STYXL1: variants seen among roughly 807,000 people sequenced by gnomAD.
STYXL1 encodes serine/threonine/tyrosine-interacting-like protein 1.
Under a neutral mutation model 36.4 loss-of-function variants are expected in STYXL1, and 32 were observed. That is an observed-to-expected ratio of 0.88 (90% CI 0.66 to 1.18). The LOEUF is 1.18. STYXL1 is among the 50% of genes most tolerant of loss of function. The pLI is 0.00. For missense variants in STYXL1, 354 were observed against 394.1 expected, an observed-to-expected ratio of 0.90 and a Z score of 0.86; for synonymous variants, 133 against 144.1, an observed-to-expected ratio of 0.92 and a Z score of 0.55.
chr7:76,008,596 C>G (rs908144578), intron 5 of STYXL1, among the ~76,000 whole-genome samples: 1 of 152,168 alleles, frequency 6.6e-6, no homozygotes. Flanking sequence ...GATGCATGAC[C>G]CCCCACTGCC....
At chr7:76,009,517 T>C (rs1204375120) in intron 5 of STYXL1, among the ~76,000 whole-genome samples, 2 of 152,154 alleles carry the variant, frequency 1.3e-5, no homozygotes, top group African/African-American at 4.8e-5. Flanking sequence ...TTCAATTGAT[T>C]TTCCTGCCTC....
intron 1 of STYXL1, chr7:76,045,343 G>C (rs1796850969): frequency 6.7e-6 from 1 of 148,162 alleles, no homozygotes; most frequent in Admixed American, 6.9e-5. Context: ...TTTTTTCCTG[G>C]GAATTCTTAG....
intron 8 of STYXL1, 35 bp from the exon 9 acceptor site, chr7:75,996,634 T>C (rs1554564229): frequency 3.7e-6 from 6 of 1,609,192 alleles, no homozygotes; most frequent in Non-Finnish European, 5.1e-6. Flanking sequence ...AACTTCACGA[T>C]TGGTCCTGGG....
At chr7:76,041,963 T>C (rs1454067160) in intron 1 of STYXL1, among the ~76,000 whole-genome samples, 13 of 152,226 alleles carry the variant, frequency 8.5e-5, no homozygotes, top group African/African-American at 2.9e-4. Context: ...AACTGAACAC[T>C]TGAGACCTAT....
chr7:76,019,205 G>C (rs906286569), intron 4 of STYXL1, among the ~76,000 whole-genome samples: 1 of 151,786 alleles, frequency 6.6e-6, no homozygotes. Context: ...GGCCCAGAAA[G>C]AGAAATAGTG....
chr7:76,043,106 C>T (rs1327516166), intron 1 of STYXL1, among the ~76,000 whole-genome samples: 1 of 152,112 alleles, frequency 6.6e-6, no homozygotes, highest in African/African-American at 2.4e-5. Flanking sequence ...GGGGAGAAGG[C>T]CAACTAGTAG....
chr7:76,043,309 T>C (rs547197524), intron 1 of STYXL1, among the ~76,000 whole-genome samples: 1 of 151,956 alleles, frequency 6.6e-6, no homozygotes, highest in East Asian at 1.9e-4. Flanking sequence ...GCCCAACTAA[T>C]TTTTTGTATT....
At chr7:76,022,098 C>G in intron 3 of STYXL1, 106 bp from the exon 4 acceptor site, 2 of 1,514,140 alleles carry the variant, frequency 1.3e-6, no homozygotes, top group Non-Finnish European at 1.7e-6. Context: ...AGACCGCACT[C>G]TCTCCCCTGA....
rs1794134261 is a variant in STYXL1 at position 76,022,000 on chromosome 7, A to G, written c.166-8T>C. 1 of 1,598,826 alleles carries G rather than the reference A, an allele frequency of 6.3e-7. No individual in the cohort carries two copies. ...AAGATATTCATTATTTTTCTTAAAA[A>G]AAAAAACACACACACACAAGAGAGG... On this transcript the variant is annotated splice_polypyrimidine_tract_variant and splice_region_variant and intron_variant, in intron 3 of 8. Transcript: ENST00000359697.
intron 5 of STYXL1, among the ~76,000 whole-genome samples, chr7:76,008,759 A>G (rs1319646686): frequency 6.6e-6 from 1 of 152,104 alleles, no homozygotes; most frequent in African/African-American, 2.4e-5. Context: ...TAATCCCAGC[A>G]CTTTGGGAAG....
intron 1 of STYXL1, among the ~76,000 whole-genome samples, chr7:76,032,169 G>A (rs1202981321): frequency 1.3e-5 from 2 of 151,882 alleles, no homozygotes; most frequent in Non-Finnish European, 2.9e-5. Context: ...AGGTAGGGGG[G>A]ATTGCTTGAG....
chr7:76,038,504 C>A (rs1232882928), intron 1 of STYXL1, among the ~76,000 whole-genome samples: 1 of 149,974 alleles, frequency 6.7e-6, no homozygotes, highest in African/African-American at 2.5e-5. Flanking sequence ...CAGCTCACTG[C>A]GAGCTCTGCC....
rs138635149 is a variant in STYXL1 at position 76,038,748 on chromosome 7, C to T, written c.-4-8221G>A. 7.3e-4 allele frequency among the ~76,000 whole-genome samples: 103 copies of T among 141,018 alleles called. 3 individuals are homozygous for T. In the Middle Eastern group the frequency reaches 0.017, roughly 24 times the overall value. The allele number at this position is 141,018 out of a possible 152,430, so 92.5% of individuals were successfully genotyped here. A position where few individuals can be genotyped will look rare whatever the true frequency, so the allele number is the denominator to read the frequency against. On this transcript the variant is annotated intron_variant, in intron 1 of 8. Transcript: ENST00000359697. ...GACATTCTTGAGAATGGCCTCAAGGCGAGCTAACTAACTCTTGTCATATTT... is the reference window on the plus strand; with the variant it reads ...GACATTCTTGAGAATGGCCTCAAGGTGAGCTAACTAACTCTTGTCATATTT...
At chr7:76,003,626 T>C (rs1429225673) in intron 7 of STYXL1, 132 bp downstream of exon 7, 12 of 776,700 alleles carry the variant, frequency 1.5e-5, no homozygotes, top group Non-Finnish European at 2.3e-5. Flanking sequence ...ATGGAGCATA[T>C]GCCGAGCTGG....
intron 7 of STYXL1, among the ~76,000 whole-genome samples, chr7:76,002,879 G>A (rs1366785452): frequency 6.6e-6 from 1 of 152,062 alleles, no homozygotes; most frequent in African/African-American, 2.4e-5. Context: ...AGCCAAGATT[G>A]TGCCACTACA....
chr7:76,020,291 G>T (rs1793906569), intron 4 of STYXL1, among the ~76,000 whole-genome samples: 1 of 152,200 alleles, frequency 6.6e-6, no homozygotes, highest in Non-Finnish European at 1.5e-5. Context: ...ATGAAAGGTG[G>T]GAGCATAGCG....
intron 5 of STYXL1, among the ~76,000 whole-genome samples, chr7:76,009,031 A>C (rs1195555089): frequency 2.0e-5 from 3 of 151,554 alleles, no homozygotes; most frequent in Non-Finnish European, 4.4e-5. Flanking sequence ...AACAAAAAAA[A>C]CCCCACAAAA....
At chr7:76,029,119 A>G (rs1288587607) in intron 2 of STYXL1, among the ~76,000 whole-genome samples, 1 of 152,136 alleles carries the variant, frequency 6.6e-6, no homozygotes, top group Non-Finnish European at 1.5e-5. Context: ...ATTCTGTCTC[A>G]TAAATAAATA....
intron 8 of STYXL1, chr7:75,998,633 C>T (rs1227224135): frequency 1.3e-5 from 2 of 151,782 alleles, no homozygotes; most frequent in Admixed American, 1.3e-4. Context: ...CAAGACCATT[C>T]GATGGGGGAA....
Sources: allele counts gnomAD v4.1 joint callset (sites outside exome capture counted in the v4.1 genomes callset), GRCh38; gene constraint gnomAD v4.1.1; transcripts MANE v1.5; gene names NCBI Gene and HGNC (gene_info 2026-07-23, HGNC 2026-07-21).